PAK6: variants seen among roughly 807,000 people sequenced by gnomAD.
PAK6 encodes the protein p21 (RAC1) activated kinase 6.
In PAK6, 33 loss-of-function variants were observed where a neutral mutation model predicts 60.8. The observed-to-expected ratio is 0.54, with a 90% CI of 0.41 to 0.73. PAK6 has a LOEUF of 0.73. Ranked by LOEUF, PAK6 falls within the 30% of genes least tolerant of loss-of-function variation. The pLI, the probability that PAK6 is intolerant of heterozygous loss-of-function variation, is 0.00. For synonymous variants in PAK6, 404 were observed against 378.5 expected (o/e 1.07, Z -0.78); for missense variants, 845 against 904.1 (o/e 0.93, Z 0.84).
chr15:40,274,337 A>G, intron 10 of PAK6, 61 bp downstream of exon 10: 3 of 1,498,888 alleles, frequency 2.0e-6, no homozygotes, highest in Non-Finnish European at 2.7e-6. Context: ...CAAGGGGACC[A>G]GAACCTGGGC....
rs188149778 is a variant in PAK6 at position 40,243,786 on chromosome 15, G to A, written c.-118+3105G>A. ...GAATAACTTGAGACTCCTCTTTCTG[G>A]GGTCTAGACTTGGAGGTCTTGAGGA... is the stretch of plus-strand genomic sequence containing the variant. On this transcript the variant is annotated intron_variant, in intron 2 of 10. Coordinates refer to ENST00000560346, the Ensembl canonical transcript of PAK6. Among the ~76,000 whole-genome samples the A allele has an allele frequency of 5.3e-5, 8 of 152,304 alleles. No homozygotes were observed. In the East Asian group the frequency reaches 1.5e-3, roughly 29 times the overall value.
At chr15:40,272,934 G>C (rs2039351657) in exon 7 of PAK6, 1 of 1,614,112 alleles carries the variant, frequency 6.2e-7, no homozygotes, top group East Asian at 2.2e-5. Flanking sequence ...TGGTGGGCGA[G>C]GAGCTGTGGG....
exon 7 of PAK6, chr15:40,272,986 G>A (rs778140999): frequency 5.0e-6 from 8 of 1,613,628 alleles, no homozygotes; most frequent in East Asian, 4.5e-5. Flanking sequence ...CACAGACATC[G>A]TCTCCCAAGT....
At chr15:40,253,541 C>T (rs2038750032) in intron 3 of PAK6, among the ~76,000 whole-genome samples, 1 of 152,262 alleles carries the variant, frequency 6.6e-6, no homozygotes, top group East Asian at 1.9e-4. Flanking sequence ...GCCCGCCCTG[C>T]CCCCGGGCCC....
At chr15:40,245,879 A>T (rs903371002) in intron 2 of PAK6, 6 of 152,440 alleles carry the variant, frequency 3.9e-5, no homozygotes, top group Non-Finnish European at 7.3e-5. Context: ...GCCACTGGGT[A>T]ACTTGATGGC....
At chr15:40,268,999 TG>T (rs1208812771) in intron 5 of PAK6, among the ~76,000 whole-genome samples, 1 of 152,138 alleles carries the variant, frequency 6.6e-6, no homozygotes, top group Non-Finnish European at 1.5e-5. Flanking sequence ...CTTGTCAAAG[TG>T]GTAAGCCCTC....
chr15:40,244,389 C>CT (rs1222076723), intron 2 of PAK6, among the ~76,000 whole-genome samples: 2 of 126,110 alleles, frequency 1.6e-5, no homozygotes, highest in African/African-American at 3.0e-5. Context: ...TTTGTTTTCT[C>CT]TTTTTTTCTT....
At chr15:40,272,147 G>A (rs1011476908) in intron 5 of PAK6, 77 bp from the exon 6 acceptor site, 73 of 1,506,016 alleles carry the variant, frequency 4.8e-5, no homozygotes, top group Non-Finnish European at 5.8e-5. Flanking sequence ...AGGTCACGGC[G>A]GCCAGCCCCT....
intron 3 of PAK6, among the ~76,000 whole-genome samples, chr15:40,253,850 G>A (rs1444074334): frequency 1.3e-5 from 2 of 152,190 alleles, no homozygotes; most frequent in Non-Finnish European, 2.9e-5. Context: ...CTCCCAGGGT[G>A]TAGGTTGCGT....
chr15:40,271,349 T>C (rs555084543), intron 5 of PAK6, among the ~76,000 whole-genome samples: 2 of 152,174 alleles, frequency 1.3e-5, no homozygotes, highest in South Asian at 4.1e-4. Context: ...GCCCCTCAGC[T>C]CCACCTTCCC....
intron 3 of PAK6, among the ~76,000 whole-genome samples, chr15:40,260,934 G>C (rs926620474): frequency 1.3e-5 from 2 of 151,232 alleles, no homozygotes; most frequent in African/African-American, 4.9e-5. Context: ...TGTCGCCCAG[G>C]CTGGAATGCA....
chr15:40,264,606 C>G, intron 3 of PAK6, 175 bp from the exon 4 acceptor site: 1 of 641,208 alleles, frequency 1.6e-6, no homozygotes, highest in Non-Finnish European at 2.8e-6. Flanking sequence ...TGGGACTGTT[C>G]TGCTGGGAGC....
rs140007434 is a variant in PAK6 at position 40,267,313 on chromosome 15, C to T, written c.858+818C>T. 3.5e-3 allele frequency among the ~76,000 whole-genome samples: 530 copies of T among 152,196 alleles called. 1 individual carries two copies. Among genetic ancestry groups the T allele is most frequent in the Non-Finnish European group, 5.5e-3 (377 of 67,986 alleles). ...GCACAGGGTGTGGGTTTGGGGATGA[C>T]CCGGACTACAACCTCTCTGGGTCAC... is the stretch of plus-strand genomic sequence containing the variant. On this transcript the variant is annotated intron_variant, in intron 5 of 10. Coordinates refer to ENST00000560346, the Ensembl canonical transcript of PAK6.
At chr15:40,268,546 T>C (rs2039212414) in intron 5 of PAK6, among the ~76,000 whole-genome samples, 1 of 152,170 alleles carries the variant, frequency 6.6e-6, no homozygotes, top group African/African-American at 2.4e-5. Flanking sequence ...CAGCAGCCCT[T>C]GGCACTGGGG....
chr15:40,275,975 C>A, exon 11 of PAK6: 1 of 1,613,436 alleles, frequency 6.2e-7, no homozygotes, highest in South Asian at 1.1e-5. Context: ...GGTGCGGGAC[C>A]CCCAAGAGAG....
intron 9 of PAK6, 183 bp downstream of exon 9, chr15:40,273,859 G>C (rs1595605052): frequency 1.3e-6 from 1 of 755,750 alleles, no homozygotes; most frequent in East Asian, 2.7e-5. Context: ...CCAGGAACGA[G>C]TCCTGCAAGT....
intron 2 of PAK6, chr15:40,252,556 G>A (rs1173806338): frequency 2.2e-6 from 3 of 1,360,918 alleles, no homozygotes; most frequent in Admixed American, 3.8e-5. Flanking sequence ...TCAAAATCGC[G>A]GTCAGGTGAA....
intron 2 of PAK6, among the ~76,000 whole-genome samples, chr15:40,242,480 A>G (rs758637294): frequency 2.0e-5 from 3 of 152,222 alleles, no homozygotes; most frequent in Non-Finnish European, 4.4e-5. Context: ...ACACCAGTAA[A>G]GCTCATCAGG....
At chr15:40,266,261 C>G in exon 5 of PAK6, 1 of 1,611,064 alleles carries the variant, frequency 6.2e-7, no homozygotes, top group Non-Finnish European at 8.5e-7. Context: ...GAGCCTCGCC[C>G]CCCACGGGCA....
Sources: gnomAD v4.1 joint callset for allele counts (sites outside exome capture counted in the v4.1 genomes callset) on GRCh38, gnomAD v4.1.1 for gene constraint, MANE v1.5 for transcripts, NCBI Gene and HGNC (gene_info 2026-07-23, HGNC 2026-07-21) for gene names.